The following HMCN1 variants were observed in gnomAD, a reference collection of about 807,000 sequenced individuals.
HMCN1 encodes the protein hemicentin-1.
Under a neutral mutation model 625.9 loss-of-function variants are expected in HMCN1, and 321 were observed. The ratio of observed to expected loss-of-function variants is 0.51; its 90% CI spans 0.47 to 0.56. The LOEUF is 0.56. Ranked by LOEUF, HMCN1 falls within the 20% of genes least tolerant of loss-of-function variation. The pLI is 0.00. For missense variants in HMCN1, 6,588 were observed against 6,887.3 expected, an observed-to-expected ratio of 0.96 and a Z score of 1.54; for synonymous variants, 2,425 against 2,417.6, an observed-to-expected ratio of 1.00 and a Z score of -0.09.
At chr1:185,861,182 T>G (rs1240073097) in intron 2 of HMCN1, among the ~76,000 whole-genome samples, 1 of 152,126 alleles carries the variant, frequency 6.6e-6, no homozygotes, top group Non-Finnish European at 1.5e-5. Context: ...TTAGGGCAAA[T>G]TTATACCCAA....
At chr1:185,787,136 GATGT>G (rs1340303335) in intron 1 of HMCN1, among the ~76,000 whole-genome samples, 51 of 137,518 alleles carry the variant, frequency 3.7e-4, no homozygotes, top group Middle Eastern at 7.2e-3. Flanking sequence ...GAAGCGCCAT[GATGT>G]ATGTGTGTGT....
intron 1 of HMCN1, among the ~76,000 whole-genome samples, chr1:185,775,959 G>A (rs1175323192): frequency 6.6e-6 from 1 of 152,182 alleles, no homozygotes; most frequent in Non-Finnish European, 1.5e-5. Context: ...GGAGCAGGCT[G>A]TATAGAAAAG....
intron 45 of HMCN1, among the ~76,000 whole-genome samples, chr1:186,056,220 C>T (rs1657310402): frequency 6.6e-6 from 1 of 151,922 alleles, no homozygotes. Flanking sequence ...TTAATGGACA[C>T]AAATCTTGTA....
intron 79 of HMCN1, 57 bp downstream of exon 79, chr1:186,119,939 C>A: frequency 6.2e-7 from 1 of 1,613,828 alleles, no homozygotes; most frequent in South Asian, 1.1e-5. Context: ...TTTTATAATT[C>A]GAATCAGCAT....
intron 75 of HMCN1, among the ~76,000 whole-genome samples, chr1:186,115,686 T>C (rs1661100849): frequency 6.6e-6 from 1 of 152,184 alleles, no homozygotes; most frequent in African/African-American, 2.4e-5. Flanking sequence ...TTAGTACCTT[T>C]TGGACTTTTA....
intron 4 of HMCN1, among the ~76,000 whole-genome samples, chr1:185,903,977 C>T (rs186853087): frequency 2.8e-4 from 43 of 151,842 alleles, no homozygotes; most frequent in Middle Eastern, 3.4e-3. Context: ...CTTTTCTGAG[C>T]CATTATATAT....
At chr1:186,160,014 A>G (rs956522166) in intron 97 of HMCN1, among the ~76,000 whole-genome samples, 3 of 150,362 alleles carry the variant, frequency 2.0e-5, no homozygotes, top group Non-Finnish European at 4.5e-5. Context: ...TCCTCCTTGT[A>G]CCTCTGGTAG....
intron 1 of HMCN1, among the ~76,000 whole-genome samples, chr1:185,841,058 GTGAAAGAAAA>G (rs1390354161): frequency 2.0e-5 from 3 of 152,142 alleles, no homozygotes; most frequent in African/African-American, 7.2e-5. Context: ...AAATGAAGCA[GTGAAAGAAAA>G]TATTACATTG....
At position 185,825,254 on chromosome 1, in the gene HMCN1, C is replaced by T. The variant is rs998598938; in HGVS notation, c.269-20772C>T. On this transcript the variant is annotated intron_variant, in intron 1 of 106. Transcript: ENST00000271588. Reference sequence around the variant, plus strand: ...TTAAGTAACTTGTCCAAATTCACACCACTAATAATGTAGAAGTAGTATAAT... The same window carrying T: ...TTAAGTAACTTGTCCAAATTCACACTACTAATAATGTAGAAGTAGTATAAT... 2.6e-5 allele frequency among the ~76,000 whole-genome samples: 4 copies of T among 152,152 alleles called. No individual in the cohort carries two copies. In the East Asian group the frequency reaches 7.7e-4, roughly 29 times the overall value.
At chr1:185,846,501 T>C (rs528607351) in intron 2 of HMCN1, among the ~76,000 whole-genome samples, 1 of 152,352 alleles carries the variant, frequency 6.6e-6, no homozygotes, top group Admixed American at 6.5e-5. Flanking sequence ...TCTATGCTGC[T>C]ATAAGTCAGC....
intron 1 of HMCN1, among the ~76,000 whole-genome samples, chr1:185,800,141 C>T (rs1426496344): frequency 1.3e-5 from 2 of 152,208 alleles, no homozygotes; most frequent in African/African-American, 2.4e-5. Flanking sequence ...TAGTGGGACC[C>T]ACTTAGCTCA....
intron 42 of HMCN1, among the ~76,000 whole-genome samples, chr1:186,051,153 T>C (rs1487102104): frequency 6.6e-6 from 1 of 152,036 alleles, no homozygotes; most frequent in East Asian, 1.9e-4. Context: ...GAAGAAGGCC[T>C]CTTAAATCAA....
intron 4 of HMCN1, among the ~76,000 whole-genome samples, chr1:185,906,043 A>T (rs74134380): frequency 0.012 from 1,788 of 151,854 alleles, 38 homozygotes; most frequent in African/African-American, 0.041. Context: ...CTCTCACATT[A>T]TTCTAGTTTT....
chr1:186,019,416 T>G, intron 34 of HMCN1, 125 bp from the exon 35 acceptor site: 2 of 729,060 alleles, frequency 2.7e-6, no homozygotes, highest in Non-Finnish European at 4.8e-6. Flanking sequence ...AAGTATTTCA[T>G]TGTTAAAATA....
At chr1:186,005,654 C>G (rs1653577289) in intron 29 of HMCN1, among the ~76,000 whole-genome samples, 1 of 151,728 alleles carries the variant, frequency 6.6e-6, no homozygotes, top group Non-Finnish European at 1.5e-5. Context: ...TGGAAGAATA[C>G]AAATCAGACT....
At chr1:185,751,605 T>A (rs1654821238) in intron 1 of HMCN1, among the ~76,000 whole-genome samples, 1 of 152,158 alleles carries the variant, frequency 6.6e-6, no homozygotes, top group Non-Finnish European at 1.5e-5. Context: ...CTGTCTGTAA[T>A]CTCCCCTTCA....
rs1043496836 is a variant in HMCN1, at chr1:186,142,624, T to C, written c.13925-1549T>C. ...TTTATGCCAACTCCAGTTTATATTA[T>C]CATTCTCCCTTTTTTCTTGCTATCA... On this transcript the variant is annotated intron_variant, in intron 89 of 106. Transcript: ENST00000271588. 3.9e-5 allele frequency among the ~76,000 whole-genome samples: 6 copies of C among 152,212 alleles called. No individual in the cohort carries two copies. In the East Asian group the frequency reaches 7.7e-4, roughly 19 times the overall value.
chr1:186,080,930 A>T lies in HMCN1; in HGVS notation c.8600-277A>T, dbSNP rs575438944. On this transcript the variant is annotated intron_variant, in intron 55 of 106. Coordinates refer to ENST00000271588, the MANE Select transcript of HMCN1 (RefSeq NM_031935.3). ...GGGCTGAGAGAGAAGTAAAAGATATATTGGAGAAGAATTGAGATTGGGCTA... is the reference window on the plus strand; with the variant it reads ...GGGCTGAGAGAGAAGTAAAAGATATTTTGGAGAAGAATTGAGATTGGGCTA... Among the ~76,000 whole-genome samples the T allele has an allele frequency of 3.9e-5, 6 of 152,276 alleles. No individual in the cohort carries two copies. The East Asian group carries it at 1.2e-3, about 29-fold the overall frequency.
chr1:185,956,007 CTT>C (rs1649602044), intron 11 of HMCN1, among the ~76,000 whole-genome samples: 1 of 152,106 alleles, frequency 6.6e-6, no homozygotes, highest in Non-Finnish European at 1.5e-5. Flanking sequence ...ATATTGGTCT[CTT>C]TGTTCGGTTA....
Sources: gnomAD v4.1 joint callset for allele counts (sites outside exome capture counted in the v4.1 genomes callset) on GRCh38, gnomAD v4.1.1 for gene constraint, MANE v1.5 for transcripts, NCBI Gene and HGNC (gene_info 2026-07-23, HGNC 2026-07-21) for gene names.